ADARB2: variants seen among roughly 807,000 people sequenced by gnomAD.
ADARB2 encodes inactive double-stranded RNA-specific editase B2.
In ADARB2, 25 loss-of-function variants were observed where a neutral mutation model predicts 62.2. The observed-to-expected ratio is 0.40, with a 90% CI of 0.29 to 0.56. The LOEUF (loss-of-function observed/expected upper bound fraction) is 0.56. Ranked by LOEUF, ADARB2 falls within the 20% of genes least tolerant of loss-of-function variation. The pLI is 0.43. For synonymous variants in ADARB2, 572 were observed against 500.8 expected (o/e 1.14, Z -1.90); for missense variants, 1,071 against 1,077.4 (o/e 0.99, Z 0.08).
At chr10:1,193,316 A>G (rs993028863) in intron 8 of ADARB2, among the ~76,000 whole-genome samples, 2 of 152,202 alleles carry the variant, frequency 1.3e-5, no homozygotes, top group Admixed American at 6.5e-5. Flanking sequence ...GGCTCACAGG[A>G]GGCTTCAGAA....
chr10:1,287,606 G>A (rs1388134921), intron 3 of ADARB2, among the ~76,000 whole-genome samples: 2 of 152,134 alleles, frequency 1.3e-5, no homozygotes, highest in East Asian at 1.9e-4. Context: ...GGTAGATTTT[G>A]GACCCAAAGC....
At chr10:1,330,308 G>A (rs1292170985) in intron 3 of ADARB2, among the ~76,000 whole-genome samples, 4 of 152,138 alleles carry the variant, frequency 2.6e-5, no homozygotes, top group Admixed American at 6.5e-5. Context: ...GGTGACCTTC[G>A]ATTGCATGAT....
chr10:1,662,815 G>A (rs770767573), intron 1 of ADARB2, among the ~76,000 whole-genome samples: 1 of 152,200 alleles, frequency 6.6e-6, no homozygotes, highest in Non-Finnish European at 1.5e-5. Flanking sequence ...TTGGGGCGAC[G>A]TCTCCCAGCA....
rs182093522 is a variant in ADARB2, at chr10:1,197,777, C to T, written c.1864+2189G>A. On this transcript the variant is annotated intron_variant, in intron 8 of 9. Transcript: ENST00000381312. ...TTTAACATGCTGTTAACACAAACAG[C>T]GAATTTATCCTACCCAGATTTCTTT... is the stretch of plus-strand genomic sequence containing the variant. Among the ~76,000 whole-genome samples the T allele has an allele frequency of 1.0e-3, 154 of 152,266 alleles. 1 individual carries two copies. The highest frequency in any genetic ancestry group is 8.9e-3 in the South Asian group (43 of 4,820).
intron 4 of ADARB2, among the ~76,000 whole-genome samples, chr10:1,253,489 C>T (rs1453796387): frequency 2.0e-5 from 3 of 152,236 alleles, no homozygotes; most frequent in Non-Finnish European, 4.4e-5. Flanking sequence ...TTTAAAGTAT[C>T]AAGGGCATAT....
intron 1 of ADARB2, among the ~76,000 whole-genome samples, chr10:1,598,038 T>C (rs541348617): frequency 2.0e-5 from 3 of 152,336 alleles, no homozygotes; most frequent in African/African-American, 7.2e-5. Context: ...AAATGCCACA[T>C]GTTCTGACTT....
chr10:1,208,496 C>G (rs1837100661), intron 7 of ADARB2, among the ~76,000 whole-genome samples: 1 of 152,228 alleles, frequency 6.6e-6, no homozygotes, highest in Non-Finnish European at 1.5e-5. Flanking sequence ...GGGCCCCATG[C>G]TGGGCTCTGT....
intron 1 of ADARB2, among the ~76,000 whole-genome samples, chr10:1,521,415 A>G (rs1160858710): frequency 2.0e-5 from 3 of 152,246 alleles, no homozygotes; most frequent in African/African-American, 7.2e-5. Context: ...ACCAAAAATA[A>G]CATTCTAAGG....
intron 1 of ADARB2, among the ~76,000 whole-genome samples, chr10:1,446,008 C>T (rs1830963839): frequency 2.0e-5 from 3 of 152,178 alleles, no homozygotes; most frequent in African/African-American, 7.2e-5. Context: ...CCATGTAAAG[C>T]TCCTACTCCC....
At chr10:1,213,871 C>T (rs1366107500) in intron 7 of ADARB2, among the ~76,000 whole-genome samples, 1 of 150,424 alleles carries the variant, frequency 6.6e-6, no homozygotes, top group Non-Finnish European at 1.5e-5. Flanking sequence ...TGTCCAGCAT[C>T]TCGTGGGTTT....
chr10:1,348,990 G>T (rs1832108395), intron 3 of ADARB2, among the ~76,000 whole-genome samples: 1 of 151,710 alleles, frequency 6.6e-6, no homozygotes, highest in African/African-American at 2.4e-5. Context: ...AGGGCTCAGG[G>T]GATGGGACTA....
At chr10:1,698,526 C>T (rs766157217) in intron 1 of ADARB2, among the ~76,000 whole-genome samples, 7 of 152,294 alleles carry the variant, frequency 4.6e-5, no homozygotes, top group Non-Finnish European at 7.3e-5. Context: ...AAAATTCGAA[C>T]ATCCTCATCC....
Position 1,242,179 on chromosome 10 carries a change from CG to C in ADARB2, c.1312del (p.Arg438GlyfsTer16). The C allele has an allele frequency of 6.2e-7, 1 of 1,610,814 alleles. No homozygotes were observed. The highest frequency in any genetic ancestry group is 8.5e-7 in the Non-Finnish European group (1 of 1,179,560). On this transcript the variant is annotated frameshift_variant, in exon 5 of 10. Coordinates refer to ENST00000381312, the MANE Select transcript of ADARB2 (RefSeq NM_018702.4). LOFTEE classifies it high-confidence loss of function. ...VNDCHAEVVARRAFLHFLYTQ... is the reference protein window; with the variant it reads ...VNDCHAEVVAXRAFLHFLYTQ... Reference sequence around the variant, plus strand: ...GTAGAGGAAGTGCAGGAACGCCCGCCGGGCCACGACCTCCGCGTGGCAGTCA... The same window carrying C: ...GTAGAGGAAGTGCAGGAACGCCCGCCGGCCACGACCTCCGCGTGGCAGTCA...
intron 1 of ADARB2, among the ~76,000 whole-genome samples, chr10:1,466,102 A>G (rs903452990): frequency 2.0e-5 from 3 of 152,262 alleles, no homozygotes; most frequent in Non-Finnish European, 4.4e-5. Flanking sequence ...CCTCCCGTCC[A>G]TCGGGTTAAA....
chr10:1,327,859 T>TCCTCACAGCA (rs1831888089), intron 3 of ADARB2, among the ~76,000 whole-genome samples: 1 of 41,268 alleles, frequency 2.4e-5, no homozygotes, highest in African/African-American at 1.1e-4. Flanking sequence ...TCCTCACAGC[T>TCCTCACAGCA]CAGCGCCTCC....
At chr10:1,674,493 A>G (rs1393742829) in intron 1 of ADARB2, among the ~76,000 whole-genome samples, 1 of 152,226 alleles carries the variant, frequency 6.6e-6, no homozygotes, top group Non-Finnish European at 1.5e-5. Flanking sequence ...AAAAAGTCAG[A>G]ATAAAAAGCG....
intron 1 of ADARB2, among the ~76,000 whole-genome samples, chr10:1,714,095 T>C (rs1448379260): frequency 1.3e-5 from 2 of 152,210 alleles, no homozygotes; most frequent in East Asian, 1.9e-4. Flanking sequence ...TTGGACTGGA[T>C]TGGTACTAAA....
intron 5 of ADARB2, among the ~76,000 whole-genome samples, chr10:1,234,980 C>A (rs1171208735): frequency 6.6e-6 from 1 of 152,106 alleles, no homozygotes; most frequent in African/African-American, 2.4e-5. Context: ...CTCCTGACTT[C>A]AGGTGATCCA....
chr10:1,603,896 C>T (rs1833463087), intron 1 of ADARB2, among the ~76,000 whole-genome samples: 1 of 152,018 alleles, frequency 6.6e-6, no homozygotes, highest in South Asian at 2.1e-4. Context: ...TCTCTGCCTC[C>T]TGGGTTCAAG....
Sources: gnomAD v4.1 joint callset for allele counts (sites outside exome capture counted in the v4.1 genomes callset) on GRCh38, gnomAD v4.1.1 for gene constraint, MANE v1.5 for transcripts, NCBI Gene and HGNC (gene_info 2026-07-23, HGNC 2026-07-21) for gene names.